GUCY1A2: variants seen among roughly 807,000 people sequenced by gnomAD.
GUCY1A2 encodes the protein guanylate cyclase soluble subunit alpha-2.
A neutral mutation model predicts 63.5 loss-of-function variants in GUCY1A2; 27 were observed. The observed-to-expected ratio is 0.43, with a 90% CI of 0.31 to 0.59. GUCY1A2 has a LOEUF of 0.59. GUCY1A2 is among the 20% of genes least tolerant of loss of function. The pLI is 0.11. For missense variants in GUCY1A2, 768 were observed against 913.3 expected, an observed-to-expected ratio of 0.84 and a Z score of 2.05; for synonymous variants, 364 against 343.5, an observed-to-expected ratio of 1.06 and a Z score of -0.66.
At chr11:106,967,792 G>A in intron 3 of GUCY1A2, among the ~76,000 whole-genome samples, 1 of 135,032 alleles carries the variant, frequency 7.4e-6, no homozygotes, top group Non-Finnish European at 1.6e-5. Flanking sequence ...GGGAGGGAGG[G>A]AGGGATAAAT....
chr11:106,913,743 T>G (rs1195095824), intron 4 of GUCY1A2, among the ~76,000 whole-genome samples: 1 of 152,102 alleles, frequency 6.6e-6, no homozygotes, highest in Non-Finnish European at 1.5e-5. Flanking sequence ...TAAGCATGAC[T>G]TGCTTCATCT....
At chr11:106,934,994 T>C (rs1429139830) in intron 4 of GUCY1A2, among the ~76,000 whole-genome samples, 7 of 152,198 alleles carry the variant, frequency 4.6e-5, no homozygotes, top group Admixed American at 6.5e-5. Flanking sequence ...ATACAGGTAA[T>C]GAAAACTCGA....
chr11:106,957,569 T>C (rs1027137580), intron 3 of GUCY1A2, among the ~76,000 whole-genome samples: 3 of 148,854 alleles, frequency 2.0e-5, no homozygotes, highest in African/African-American at 7.4e-5. Context: ...CAGGTGGGCC[T>C]TCTCACTACA....
intron 4 of GUCY1A2, among the ~76,000 whole-genome samples, chr11:106,835,865 A>G (rs1436528303): frequency 6.6e-6 from 1 of 151,900 alleles, no homozygotes; most frequent in Admixed American, 6.6e-5. Flanking sequence ...CTAAAAGTGC[A>G]TTACTGAAAC....
chr11:106,879,188 A>G (rs1276675287), intron 4 of GUCY1A2, among the ~76,000 whole-genome samples: 1 of 152,098 alleles, frequency 6.6e-6, no homozygotes, highest in Non-Finnish European at 1.5e-5. Flanking sequence ...AATGCTTCAC[A>G]TACTCTACTG....
chr11:106,674,607 A>G lies in GUCY1A2; in HGVS notation c.*12942T>C, dbSNP rs1862314889. On this transcript the variant is annotated 3_prime_UTR_variant, in exon 8 of 8. Coordinates refer to ENST00000526355, the MANE Select transcript of GUCY1A2 (RefSeq NM_000855.3). Reference sequence around the variant, plus strand: ...ATTTCAAAATATATGCAATTTAATCATGCCCTACATATATATTAGTATATT... The same window carrying G: ...ATTTCAAAATATATGCAATTTAATCGTGCCCTACATATATATTAGTATATT... 1 of 186,394 alleles carries G rather than the reference A, an allele frequency of 5.4e-6. No individual in the cohort carries two copies. The highest frequency in any genetic ancestry group is 1.1e-5 in the Non-Finnish European group (1 of 88,246). 11.5% of individuals were successfully genotyped at this position (186,394 alleles called of 1,614,324 possible). A position where few individuals can be genotyped will look rare whatever the true frequency, so the allele number is the denominator to read the frequency against.
intron 6 of GUCY1A2, among the ~76,000 whole-genome samples, chr11:106,766,835 C>G (rs1864172423): frequency 6.6e-6 from 1 of 151,962 alleles, no homozygotes; most frequent in Non-Finnish European, 1.5e-5. Context: ...AAAACCCATT[C>G]AAAAACACCT....
At chr11:106,877,874 G>A (rs749307015) in intron 4 of GUCY1A2, among the ~76,000 whole-genome samples, 7 of 151,968 alleles carry the variant, frequency 4.6e-5, no homozygotes, top group South Asian at 2.1e-4. Flanking sequence ...TGCAAAGTAC[G>A]AATCTGACAA....
chr11:107,004,791 G>A (rs1362839687), intron 1 of GUCY1A2, among the ~76,000 whole-genome samples: 1 of 152,186 alleles, frequency 6.6e-6, no homozygotes, highest in Non-Finnish European at 1.5e-5. Flanking sequence ...CTAAGGAAGA[G>A]CCAATCTTGG....
intron 7 of GUCY1A2, among the ~76,000 whole-genome samples, chr11:106,696,304 A>G (rs1240420905): frequency 6.6e-6 from 1 of 152,172 alleles, no homozygotes. Flanking sequence ...ATGTCTATAG[A>G]CAGAACTTTA....
intron 3 of GUCY1A2, among the ~76,000 whole-genome samples, chr11:106,961,700 A>G (rs7939455): frequency 0.91 from 138,278 of 152,240 alleles, 62,880 homozygotes; most frequent in East Asian, 1. Context: ...TCTTCTCAGC[A>G]CATTCCTAGC....
chr11:106,967,780 A>AAGGG (rs1436760825), intron 3 of GUCY1A2, among the ~76,000 whole-genome samples: 1 of 141,732 alleles, frequency 7.1e-6, no homozygotes, highest in Non-Finnish European at 1.5e-5. Flanking sequence ...GGGAAGCAGG[A>AAGGG]AGGGAGGGAG....
chr11:106,718,421 G>A (rs1184553582), intron 6 of GUCY1A2, among the ~76,000 whole-genome samples: 1 of 152,008 alleles, frequency 6.6e-6, no homozygotes, highest in Non-Finnish European at 1.5e-5. Context: ...TATAGCTGAT[G>A]GCACTGAATA....
intron 1 of GUCY1A2, among the ~76,000 whole-genome samples, chr11:106,998,795 A>G (rs1048364045): frequency 2.4e-5 from 3 of 125,268 alleles, no homozygotes; most frequent in Non-Finnish European, 5.1e-5. Context: ...GTAATAGTTC[A>G]TTAAAAAAAA....
chr11:106,795,311 G>C (rs1033498298), intron 5 of GUCY1A2, among the ~76,000 whole-genome samples: 2 of 152,120 alleles, frequency 1.3e-5, no homozygotes, highest in African/African-American at 4.8e-5. Flanking sequence ...ATATTAAGCA[G>C]AGGGCTGAAA....
intron 6 of GUCY1A2, among the ~76,000 whole-genome samples, chr11:106,709,310 T>C (rs1292708114): frequency 1.3e-5 from 1 of 75,878 alleles, no homozygotes. Flanking sequence ...TTTATATTTA[T>C]ATATATTTAT....
At chr11:106,839,483 A>T (rs1207214845) in intron 4 of GUCY1A2, among the ~76,000 whole-genome samples, 1 of 152,064 alleles carries the variant, frequency 6.6e-6, no homozygotes, top group African/African-American at 2.4e-5. Context: ...TAGAAATACC[A>T]TTTGACCCAG....
chr11:106,802,746 G>A (rs780842009), intron 5 of GUCY1A2, among the ~76,000 whole-genome samples: 4 of 152,086 alleles, frequency 2.6e-5, no homozygotes, highest in Non-Finnish European at 5.9e-5. Flanking sequence ...CCTCAAAGAG[G>A]AAAGAAAGCA....
chr11:106,746,667 C>G (rs1479136863), intron 6 of GUCY1A2: 1 of 1,309,032 alleles, frequency 7.6e-7, no homozygotes, highest in East Asian at 2.3e-5. Flanking sequence ...ACCGAGACAC[C>G]AAGTGAATCA....
Sources: allele counts gnomAD v4.1 joint callset (sites outside exome capture counted in the v4.1 genomes callset), GRCh38; gene constraint gnomAD v4.1.1; transcripts MANE v1.5; gene names NCBI Gene and HGNC (gene_info 2026-07-23, HGNC 2026-07-21).